HTATSF1: variants seen among roughly 807,000 people sequenced by gnomAD.
The protein encoded by HTATSF1 is 17S U2 SnRNP complex component HTATSF1.
HTATSF1 carries 6 observed loss-of-function variants against 46.1 expected under a neutral mutation model. The ratio of observed to expected loss-of-function variants is 0.13; its 90% confidence interval spans 0.07 to 0.26. The LOEUF is 0.26. HTATSF1 is among the 10% of genes least tolerant of loss of function. The pLI, the probability that HTATSF1 is intolerant of heterozygous loss-of-function variation, is 1.00. For synonymous variants in HTATSF1, 226 were observed against 211.5 expected (o/e 1.07, Z -0.60); for missense variants, 452 against 559.9 (o/e 0.81, Z 1.94).
chrX:136,502,452 G>T (rs1426893344), intron 4 of HTATSF1, among the ~76,000 whole-genome samples: 1 of 111,010 alleles, frequency 9.0e-6, no homozygotes, highest in Non-Finnish European at 1.9e-5. Flanking sequence ...TCCTTTCCAT[G>T]CATTATTTCA....
At chrX:136,500,627 CAATTATAAATG>C (rs764940213) in intron 3 of HTATSF1, 26 bp from the exon 4 acceptor site, 9 of 918,629 alleles carry the variant, frequency 9.8e-6, no homozygotes, top group Middle Eastern at 3.0e-4. Context: ...CCTTCATTAT[CAATTATAAATG>C]TTTTTTAATT....
At position 136,500,319 on chromosome X, in the gene HTATSF1, A is replaced by AT. The variant is rs1222869757; in HGVS notation, c.415+120dup. On this transcript the variant is annotated intron_variant, in intron 3 of 8. Coordinates refer to ENST00000218364, the MANE Select transcript of HTATSF1 (RefSeq NM_014500.5). ...AGAGTCCATTTTTTATCATTGTGTC[A>AT]TTTTTTGTTCAGCCATTTATATTAG... 2.0e-5 allele frequency: 11 copies of AT among 552,210 alleles called. No homozygotes were observed. The Middle Eastern group carries it at 2.8e-3, about 140-fold the overall frequency. 45.5% of individuals were successfully genotyped at this position (552,210 alleles called of 1,213,427 possible).
rs968635048 is a variant in HTATSF1, at chrX:136,512,105, A to G, written c.*92A>G. On this transcript the variant is annotated 3_prime_UTR_variant, in exon 9 of 9. Transcript: ENST00000218364. ...AGTAGTGTTACATGAACATGTGCAT[A>G]GTGGTAGGATGCCATCAGATTAAAG... 2.1e-6 allele frequency: 2 copies of G among 936,950 alleles called. No homozygotes were observed. The highest frequency in any genetic ancestry group is 2.0e-5 in the African/African-American group (1 of 50,606). 77.2% of individuals were successfully genotyped at this position (936,950 alleles called of 1,213,427 possible). A position where few individuals can be genotyped will look rare whatever the true frequency, so the allele number is the denominator to read the frequency against.
intron 7 of HTATSF1, 36 bp from the exon 8 acceptor site, chrX:136,510,046 T>A: frequency 8.6e-7 from 1 of 1,164,198 alleles, no homozygotes. Context: ...TTTAATCTTA[T>A]CATTCATTCC....
chrX:136,500,285 A>G, intron 3 of HTATSF1, 80 bp downstream of exon 3: 1 of 655,119 alleles, frequency 1.5e-6, no homozygotes, highest in Admixed American at 3.0e-5. Flanking sequence ...TTTAGCTTTC[A>G]GTTTCTCCAG....
intron 6 of HTATSF1, among the ~76,000 whole-genome samples, chrX:136,507,128 G>T (rs2148522337): frequency 9.0e-6 from 1 of 111,613 alleles, no homozygotes; most frequent in East Asian, 2.8e-4. Flanking sequence ...GACTCCATAT[G>T]AACCTAAAGA....
Position 136,510,079 on chromosome X carries a change from T to C in HTATSF1, c.925-3T>C. 8.3e-7 allele frequency: 1 copy of C among 1,199,682 alleles called. No homozygotes were observed. The highest frequency in any genetic ancestry group is 1.1e-6 in the Non-Finnish European group (1 of 888,697). ...TCCTTTTTTTTCTTTCTTATCTTTC[T>C]AGAGGCACCCAGATGGTGTGGCCTC... On this transcript the variant is annotated splice_region_variant and splice_polypyrimidine_tract_variant and intron_variant, in intron 7 of 8. Transcript: ENST00000218364.
At chrX:136,498,226 G>A (rs1399897030) in intron 1 of HTATSF1, among the ~76,000 whole-genome samples, 1 of 112,356 alleles carries the variant, frequency 8.9e-6, no homozygotes, top group African/African-American at 3.2e-5. Flanking sequence ...GAACTCAGAT[G>A]TTTAGCTTAT....
rs777152999 is a variant in HTATSF1, at chrX:136,504,420, G to A, written c.791G>A (p.Arg264Gln). The A allele has an allele frequency of 3.3e-6, 4 of 1,209,636 alleles. No homozygotes were observed. The highest frequency in any genetic ancestry group is 4.4e-5 in the Admixed American group (2 of 45,823). Residue 264 changes from arginine to glutamine, a missense_variant, in exon 6 of 9, where the codon CGA becomes CAA. Transcript: ENST00000218364. ...RAGPSRMRHE[R>Q]VVIIKNMFHP... ...GGACCATCCCGGATGCGCCATGAGC[G>A]AGTTGTCATCATCAAGAATATGTTT... is the stretch of plus-strand genomic sequence containing the variant.
intron 6 of HTATSF1, among the ~76,000 whole-genome samples, 172 bp downstream of exon 6, chrX:136,504,635 C>T (rs1008184452): frequency 1.3e-4 from 15 of 112,359 alleles, no homozygotes; most frequent in African/African-American, 4.9e-4. Context: ...TTTCCCTTCC[C>T]TTTGTTTAGC....
chrX:136,498,471 A>G (rs1409958386), intron 1 of HTATSF1, among the ~76,000 whole-genome samples: 1 of 112,290 alleles, frequency 8.9e-6, no homozygotes, highest in Non-Finnish European at 1.9e-5. Flanking sequence ...TTTTTATTTC[A>G]GCTTCGAAGT....
At chrX:136,503,019 C>T in intron 5 of HTATSF1, 78 bp downstream of exon 5, 1 of 646,633 alleles carries the variant, frequency 1.5e-6, no homozygotes, top group Non-Finnish European at 2.2e-6. Flanking sequence ...TAGTTTTATT[C>T]TGTCAAGTGT....
rs761898621 is a variant in HTATSF1 at position 136,497,659 on chromosome X, C to T, written c.-26C>T. The T allele has an allele frequency of 8.6e-7, 1 of 1,158,043 alleles. No individual in the cohort carries two copies. Among genetic ancestry groups the T allele is most frequent in the East Asian group, 3.1e-5 (1 of 32,480 alleles). On this transcript the variant is annotated 5_prime_UTR_variant, in exon 1 of 9. Transcript: ENST00000218364. ...ATTTCGGCCTCTTAGTTCTTCTGAACCCTGCTCCTGAGCTAGGTAGGAAAC... is the reference window on the plus strand; with the variant it reads ...ATTTCGGCCTCTTAGTTCTTCTGAATCCTGCTCCTGAGCTAGGTAGGAAAC...
chrX:136,502,738 C>T lies in HTATSF1; in HGVS notation c.571-40C>T, dbSNP rs757237851. ...CTAAAAAACTCCTGAAGTTTTATTT[C>T]GTTGTATAACTGACTATATTTTGTC... On this transcript the variant is annotated intron_variant, in intron 4 of 8. Coordinates refer to ENST00000218364, the MANE Select transcript of HTATSF1 (RefSeq NM_014500.5). The T allele has an allele frequency of 7.8e-6, 7 of 893,710 alleles. No individual in the cohort carries two copies. In the South Asian group the frequency reaches 1.2e-4, roughly 15 times the overall value. The allele number at this position is 893,710 out of a possible 1,213,427, so 73.7% of individuals were successfully genotyped here. A position where few individuals can be genotyped will look rare whatever the true frequency, so the allele number is the denominator to read the frequency against.
In HTATSF1 at chrX:136,502,758, T is replaced by A; in HGVS notation, c.571-20T>A. 9.5e-7 allele frequency: 1 copy of A among 1,057,656 alleles called. No individual in the cohort carries two copies. The highest frequency in any genetic ancestry group is 1.3e-6 in the Non-Finnish European group (1 of 799,757). The allele number at this position is 1,057,656 out of a possible 1,213,427, so 87.2% of individuals were successfully genotyped here. A position where few individuals can be genotyped will look rare whatever the true frequency, so the allele number is the denominator to read the frequency against. On this transcript the variant is annotated intron_variant, in intron 4 of 8. Transcript: ENST00000218364. ...TATTTCGTTGTATAACTGACTATAT[T>A]TTGTCTTACATTTATAAAGAGAGAA... is the stretch of plus-strand genomic sequence containing the variant.
rs781069332 is a variant in HTATSF1 at position 136,500,723 on chromosome X, A to G, written c.475A>G (p.Ile159Val). The change falls in exon 4 of 9, where the codon ATT (isoleucine) becomes GTT (valine). Residue 159 changes from isoleucine to valine, a missense_variant. Ile to Val is a conservative substitution (Grantham distance 29, BLOSUM62 3). Around this residue, in one of 3 missense-constraint regions of HTATSF1, gnomAD observed 117 missense variants for 222.2 expected, o/e 0.53. Transcript: ENST00000218364. Reference protein sequence around the residue: ...FIQLMSKFGIIMRDPQTEEFK... With the variant: ...FIQLMSKFGIVMRDPQTEEFK... The stretch of plus-strand genomic sequence containing the variant: ...ACAACTTATGTCCAAGTTTGGCATT[A>G]TTATGAGAGATCCTCAGACAGAAGA... 4 of 1,137,630 alleles carry G rather than the reference A, an allele frequency of 3.5e-6. No homozygotes were observed. The highest frequency in any genetic ancestry group is 3.2e-5 in the East Asian group (1 of 31,382). 93.8% of individuals were successfully genotyped at this position (1,137,630 alleles called of 1,213,427 possible).
chrX:136,501,273 TTG>T (rs1328531280), intron 4 of HTATSF1, among the ~76,000 whole-genome samples: 2 of 112,441 alleles, frequency 1.8e-5, no homozygotes, highest in African/African-American at 6.5e-5. Context: ...ATGGTTGCCT[TTG>T]TGTTTCACTG....
intron 2 of HTATSF1, 24 bp downstream of exon 2, chrX:136,499,802 T>C (rs1297552178): frequency 1.8e-6 from 2 of 1,109,496 alleles, no homozygotes; most frequent in Admixed American, 6.7e-5. Flanking sequence ...GCTTACAAAT[T>C]TTAAGTGTAA....
At chrX:136,503,002 A>G in intron 5 of HTATSF1, 61 bp downstream of exon 5, 1 of 785,812 alleles carries the variant, frequency 1.3e-6, no homozygotes, top group Non-Finnish European at 1.7e-6. Flanking sequence ...TTTTGGTAAT[A>G]GCCATCTAGT....
Sources: allele counts gnomAD v4.1 joint callset (sites outside exome capture counted in the v4.1 genomes callset), GRCh38; gene constraint gnomAD v4.1.1; regional missense constraint gnomAD v4.1.1; transcripts MANE v1.5; gene names NCBI Gene and HGNC (gene_info 2026-07-23, HGNC 2026-07-21).